ZDHHC23: variants seen among roughly 807,000 people sequenced by gnomAD.
ZDHHC23 encodes the protein zDHHC palmitoyltransferase 23.
Under a neutral mutation model 40.2 loss-of-function variants are expected in ZDHHC23, and 41 were observed. The observed-to-expected ratio is 1.02, with a 90% CI of 0.79 to 1.32. The LOEUF (loss-of-function observed/expected upper bound fraction) is 1.32, where lower values mean the gene tolerates loss of function less well. ZDHHC23 is among the 40% of genes most tolerant of loss of function. The probability of loss-of-function intolerance (pLI) is 0.00; values close to 1 mark genes in which losing one functional copy is unlikely to be tolerated. For synonymous variants in ZDHHC23, 204 were observed against 210.2 expected, an observed-to-expected ratio of 0.97 and a Z score of 0.26; for missense variants, 471 against 541.5, an observed-to-expected ratio of 0.87 and a Z score of 1.29.
rs569817982 is a variant in ZDHHC23 at position 113,952,196 on chromosome 3, G to A, written c.162-1504G>A. On this transcript the variant is annotated intron_variant, in intron 2 of 4. Coordinates refer to ENST00000638807, the MANE Select transcript of ZDHHC23 (RefSeq NM_001320466.2). Reference sequence around the variant, plus strand: ...CTAAGCATTTATGAGAAGCCATGCAGCACCCTGAACACTTTGCTTAGAGAT... The same window carrying A: ...CTAAGCATTTATGAGAAGCCATGCAACACCCTGAACACTTTGCTTAGAGAT... Among the ~76,000 whole-genome samples the A allele has an allele frequency of 5.9e-5, 9 of 151,448 alleles. No individual in the cohort carries two copies. The East Asian group carries it at 1.8e-3, about 30-fold the overall frequency.
chr3:113,952,607 A>G (rs1363377361), intron 2 of ZDHHC23, among the ~76,000 whole-genome samples: 3 of 152,052 alleles, frequency 2.0e-5, no homozygotes, highest in Admixed American at 2.0e-4. Context: ...TATCTGTTGT[A>G]GCAACATCCT....
At chr3:113,979,156 A>C in the ZDHHC23 span, 1 of 740,764 alleles carries the variant, frequency 1.3e-6, no homozygotes, top group Admixed American at 2.6e-5. Flanking sequence ...GTGTCCTAAA[A>C]GCTTTGACTG....
chr3:113,952,414 C>A (rs1187802343), intron 2 of ZDHHC23, among the ~76,000 whole-genome samples: 1 of 152,168 alleles, frequency 6.6e-6, no homozygotes, highest in Non-Finnish European at 1.5e-5. Flanking sequence ...TTTCTGCGAG[C>A]CTTCTGTTCA....
In ZDHHC23 at chr3:113,959,840, T is replaced by A. The variant is rs1467859044; in HGVS notation, c.*1210T>A. 9.8e-6 allele frequency: 10 copies of A among 1,020,080 alleles called. No individual in the cohort carries two copies. Among genetic ancestry groups the A allele is most frequent in the Admixed American group, 9.8e-5 (2 of 20,468 alleles). 63.2% of individuals were successfully genotyped at this position (1,020,080 alleles called of 1,614,324 possible). On this transcript the variant is annotated 3_prime_UTR_variant, in exon 5 of 5. Coordinates refer to ENST00000638807, the MANE Select transcript of ZDHHC23 (RefSeq NM_001320466.2). ...ACAGGGTATATGTGGTTTCCACTAT[T>A]AATGGATTACTGTTCTTCCCTGGCT...
Position 113,960,629 on chromosome 3 carries a change from A to G in ZDHHC23, c.*1999A>G. 12 of 1,584,594 alleles carry G rather than the reference A, an allele frequency of 7.6e-6. No homozygotes were observed. The South Asian group carries it at 1.4e-4, about 18-fold the overall frequency. Reference sequence around the variant, plus strand: ...GTTCACAACATCTAAATGTAATGTGATGTGATGAAGATAAGTAGTACAAAG... The same window carrying G: ...GTTCACAACATCTAAATGTAATGTGGTGTGATGAAGATAAGTAGTACAAAG... On this transcript the variant is annotated 3_prime_UTR_variant, in exon 5 of 5. Transcript: ENST00000638807.
rs761043997 is a variant in ZDHHC23 at position 113,958,492 on chromosome 3, A to G, written c.1170A>G (p.Arg390=). 1.2e-6 allele frequency: 2 copies of G among 1,613,912 alleles called. No homozygotes were observed. The highest frequency in any genetic ancestry group is 2.7e-5 in the African/African-American group (2 of 74,896). ...VTEREVQQAL[R]QKTGRRLLCG... ...AGCGGGAAGTCCAGCAGGCCCTCCGACAGAAGACTGGGCGCCGGCTCCTCT... is the reference window on the plus strand; with the variant it reads ...AGCGGGAAGTCCAGCAGGCCCTCCGGCAGAAGACTGGGCGCCGGCTCCTCT... Residue 390 remains arginine (R), a synonymous_variant, in exon 5 of 5, where the codon CGA becomes CGG. Coordinates refer to ENST00000638807, the MANE Select transcript of ZDHHC23 (RefSeq NM_001320466.2).
At position 113,962,529 on chromosome 3, in the gene ZDHHC23, G is replaced by C. The variant is rs1577281552; in HGVS notation, c.*3899G>C. The C allele has an allele frequency of 2.0e-5, 3 of 152,310 alleles. No individual in the cohort carries two copies. The East Asian group carries it at 5.8e-4, about 29-fold the overall frequency. The allele number at this position is 152,310 out of a possible 1,614,324, so 9.4% of individuals were successfully genotyped here. On this transcript the variant is annotated 3_prime_UTR_variant, in exon 5 of 5. Coordinates refer to ENST00000638807, the MANE Select transcript of ZDHHC23 (RefSeq NM_001320466.2). ...TTAAAAGCAGAGCTAGTCTATTCTAGTTACTGATGCAACTAAAATTCTGTA... is the reference window on the plus strand; with the variant it reads ...TTAAAAGCAGAGCTAGTCTATTCTACTTACTGATGCAACTAAAATTCTGTA...
In ZDHHC23 at chr3:113,954,087, A is replaced by T; in HGVS notation, c.549A>T (p.Leu183Phe). The change falls in exon 3 of 5, where the codon TTA becomes TTT. Residue 183 changes from leucine to phenylalanine, a missense_variant. This residue lies in a region of ZDHHC23 where 346 missense variants were observed against 399.8 expected (regional missense o/e 0.87). Transcript: ENST00000638807. ...CCTGCGGGTTATTTCTGATACTCTTAGCCTTGCACAGAGCCAAGAAGAATC... is the reference window on the plus strand; with the variant it reads ...CCTGCGGGTTATTTCTGATACTCTTTGCCTTGCACAGAGCCAAGAAGAATC... ...VLTCGLFLIL[L>F]ALHRAKKNPG... 1 of 1,614,178 alleles carries T rather than the reference A, an allele frequency of 6.2e-7. No homozygotes were observed. Among genetic ancestry groups the T allele is most frequent in the Non-Finnish European group, 8.5e-7 (1 of 1,180,046 alleles).
chr3:113,977,721 G>A, the ZDHHC23 span, among the ~76,000 whole-genome samples: 39 of 152,286 alleles, frequency 2.6e-4, no homozygotes, highest in Non-Finnish European at 4.4e-4. Flanking sequence ...AATGTTCAAC[G>A]TTTTGACCTC....
downstream of ZDHHC23, chr3:113,965,341 G>A: frequency 6.3e-7 from 1 of 1,589,044 alleles, no homozygotes; most frequent in Non-Finnish European, 8.5e-7. Context: ...ATGTCCGAAG[G>A]GTGATCCAGA....
In ZDHHC23 at chr3:113,953,785, A is replaced by G. The variant is rs900977000; in HGVS notation, c.247A>G (p.Arg83Gly). The G allele has an allele frequency of 6.2e-7, 1 of 1,614,104 alleles. No homozygotes were observed. Among genetic ancestry groups the G allele is most frequent in the African/African-American group, 1.3e-5 (1 of 74,930 alleles). Residue 83 changes from arginine (R) to glycine (G), a missense_variant, in exon 3 of 5, where the codon AGG becomes GGG. Transcript: ENST00000638807. ...ISDRLRIPWL[R>G]GAKKVNISII... is the part of the protein sequence containing the mutation. ...TGATCGCCTCCGAATTCCTTGGCTT[A>G]GGGGAGCCAAAAAAGTGAACATCAG...
chr3:113,968,625 TG>T (rs1940472341), downstream of ZDHHC23, among the ~76,000 whole-genome samples: 1 of 147,562 alleles, frequency 6.8e-6, no homozygotes, highest in South Asian at 2.1e-4. Flanking sequence ...AATAGTTTTT[TG>T]TTTTTTTTTT....
chr3:113,957,536 C>T (rs1314374359), intron 4 of ZDHHC23: 34 of 378,714 alleles, frequency 9.0e-5, no homozygotes, highest in South Asian at 6.7e-4. Context: ...GGTGCGGAGG[C>T]GAGGGAACCG....
chr3:113,964,070 T>A (rs571958771), downstream of ZDHHC23: 1 of 152,310 alleles, frequency 6.6e-6, no homozygotes, highest in African/African-American at 2.4e-5. Context: ...TAAAAGTATC[T>A]TAAGTCGTGT....
At chr3:113,955,497 C>A (rs969221245) in intron 3 of ZDHHC23, among the ~76,000 whole-genome samples, 2 of 152,114 alleles carry the variant, frequency 1.3e-5, no homozygotes, top group Admixed American at 1.3e-4. Flanking sequence ...GGCACTCCCT[C>A]TACATTCTGC....
At chr3:113,977,603 CAT>C in the ZDHHC23 span, among the ~76,000 whole-genome samples, 1 of 152,076 alleles carries the variant, frequency 6.6e-6, no homozygotes, top group Non-Finnish European at 1.5e-5. Flanking sequence ...AAAACTATAG[CAT>C]TGAAGGCTGC....
downstream of ZDHHC23, among the ~76,000 whole-genome samples, chr3:113,969,490 T>A (rs1335575480): frequency 2.0e-5 from 3 of 152,240 alleles, no homozygotes; most frequent in African/African-American, 7.2e-5. Flanking sequence ...TGGACTTAGA[T>A]TTAAATCTGT....
rs1939476526 is a variant in ZDHHC23 at position 113,958,767 on chromosome 3, G to A, written c.*137G>A. The A allele has an allele frequency of 6.4e-7, 1 of 1,559,718 alleles. No homozygotes were observed. Among genetic ancestry groups the A allele is most frequent in the Non-Finnish European group, 8.6e-7 (1 of 1,156,186 alleles). ...CATGCTCAGGTTTAGAGACTGGAGTGGGAAGAAGTTAATTTTTCTGACGCC... is the reference window on the plus strand; with the variant it reads ...CATGCTCAGGTTTAGAGACTGGAGTAGGAAGAAGTTAATTTTTCTGACGCC... On this transcript the variant is annotated 3_prime_UTR_variant, in exon 5 of 5. Transcript: ENST00000638807.
Position 113,952,921 on chromosome 3 carries a change from G to A in ZDHHC23, c.162-779G>A, listed in dbSNP as rs144037718. 6.6e-5 allele frequency among the ~76,000 whole-genome samples: 10 copies of A among 152,268 alleles called. No individual in the cohort carries two copies. The East Asian group carries it at 1.5e-3, about 23-fold the overall frequency. On this transcript the variant is annotated intron_variant, in intron 2 of 4. Transcript: ENST00000638807. ...GACCTAATACCCTCCTAGAGGCCCCGTCTCTTAATACTCTTGCATTGGGGA... is the reference window on the plus strand; with the variant it reads ...GACCTAATACCCTCCTAGAGGCCCCATCTCTTAATACTCTTGCATTGGGGA...
Sources: gnomAD v4.1 joint callset for allele counts (sites outside exome capture counted in the v4.1 genomes callset) on GRCh38, gnomAD v4.1.1 for gene constraint, gnomAD v4.1.1 regional missense constraint, MANE v1.5 for transcripts, NCBI Gene and HGNC (gene_info 2026-07-23, HGNC 2026-07-21) for gene names.